The following FOXP1 variants were observed in gnomAD, a reference collection of about 807,000 sequenced individuals.
FOXP1 encodes the protein forkhead box P1.
A neutral mutation model predicts 98.2 loss-of-function variants in FOXP1; 15 were observed. The ratio of observed to expected loss-of-function variants is 0.15; its 90% CI spans 0.10 to 0.24. The LOEUF is 0.24. FOXP1 is among the 10% of genes least tolerant of loss of function. The probability of loss-of-function intolerance (pLI) is 1.00; values close to 1 mark genes in which losing one functional copy is unlikely to be tolerated. For synonymous variants in FOXP1, 371 were observed against 314.5 expected, an observed-to-expected ratio of 1.18 and a Z score of -1.90; for missense variants, 633 against 848.5, an observed-to-expected ratio of 0.75 and a Z score of 3.15.
chr3:71,368,279 C>T (rs562150827), intron 3 of FOXP1, among the ~76,000 whole-genome samples: 5 of 152,196 alleles, frequency 3.3e-5, no homozygotes, highest in East Asian at 1.9e-4. Flanking sequence ...GCGTGTGCCA[C>T]GACACCTGGC....
At chr3:71,376,917 T>C (rs1483220016) in intron 3 of FOXP1, among the ~76,000 whole-genome samples, 1 of 152,124 alleles carries the variant, frequency 6.6e-6, no homozygotes, top group Non-Finnish European at 1.5e-5. Flanking sequence ...ATTATACCTA[T>C]CATATGTATT....
intron 3 of FOXP1, among the ~76,000 whole-genome samples, chr3:71,370,100 C>T (rs947917195): frequency 2.6e-5 from 4 of 152,136 alleles, no homozygotes; most frequent in African/African-American, 4.8e-5. Context: ...TTTCTGACAG[C>T]GCTGTTGGAC....
At chr3:71,393,600 T>C (rs1382504830) in intron 3 of FOXP1, among the ~76,000 whole-genome samples, 2 of 152,224 alleles carry the variant, frequency 1.3e-5, no homozygotes, top group East Asian at 3.8e-4. Context: ...TCCAGGGTCA[T>C]ATTTAAAATA....
chr3:71,523,844 A>T (rs1183701735), intron 2 of FOXP1, among the ~76,000 whole-genome samples: 1 of 152,094 alleles, frequency 6.6e-6, no homozygotes, highest in Non-Finnish European at 1.5e-5. Context: ...TCTCACCCCC[A>T]TTTTATAATT....
intron 4 of FOXP1, among the ~76,000 whole-genome samples, chr3:71,330,652 T>C (rs182544456): frequency 2.0e-5 from 3 of 152,300 alleles, no homozygotes; most frequent in African/African-American, 7.2e-5. Flanking sequence ...TGCCCAATAA[T>C]AGTAGATTGC....
rs150653705 is a variant in FOXP1, at chr3:71,508,452, G to A, written c.-297-14897C>T. 2.3e-4 allele frequency among the ~76,000 whole-genome samples: 35 copies of A among 152,304 alleles called. No homozygotes were observed. The East Asian group carries it at 5.6e-3, about 24-fold the overall frequency. ...TGCCTACCCAGTGGTTAGAGGTCCAGGTGCTGGAGTCAGACGGCCTGGGTG... is the reference window on the plus strand; with the variant it reads ...TGCCTACCCAGTGGTTAGAGGTCCAAGTGCTGGAGTCAGACGGCCTGGGTG... On this transcript the variant is annotated intron_variant, in intron 2 of 20. Coordinates refer to ENST00000649528, the MANE Select transcript of FOXP1 (RefSeq NM_001349338.3).
At chr3:71,582,186 C>T in intron 1 of FOXP1, 1 of 984,840 alleles carries the variant, frequency 1.0e-6, no homozygotes, top group South Asian at 4.7e-5. Flanking sequence ...TGCCAGTCTC[C>T]CGGGACCAAG....
At chr3:71,230,427 A>G (rs574709087) in intron 5 of FOXP1, among the ~76,000 whole-genome samples, 2 of 152,350 alleles carry the variant, frequency 1.3e-5, no homozygotes, top group East Asian at 3.9e-4. Flanking sequence ...TTCAATGCCC[A>G]TGAATGATTA....
chr3:71,097,162 C>T (rs1320363610), intron 7 of FOXP1, among the ~76,000 whole-genome samples: 1 of 152,156 alleles, frequency 6.6e-6, no homozygotes, highest in Non-Finnish European at 1.5e-5. Flanking sequence ...CAGCCAACTA[C>T]AGCCCAAATC....
chr3:71,073,925 G>A (rs1209745823), intron 7 of FOXP1, among the ~76,000 whole-genome samples: 2 of 152,156 alleles, frequency 1.3e-5, no homozygotes, highest in Admixed American at 1.3e-4. Flanking sequence ...ACAATGCTAA[G>A]ATAACAAGGA....
intron 4 of FOXP1, chr3:71,334,850 G>A (rs1203715777): frequency 6.6e-6 from 1 of 152,196 alleles, no homozygotes; most frequent in African/African-American, 2.4e-5. Flanking sequence ...TGAAGAACTG[G>A]TACTGAGCAC....
chr3:71,361,577 G>A (rs1403999442), intron 3 of FOXP1, among the ~76,000 whole-genome samples: 2 of 152,180 alleles, frequency 1.3e-5, no homozygotes, highest in Non-Finnish European at 2.9e-5. Context: ...GATGTGGGAG[G>A]ATAATTTGTA....
intron 4 of FOXP1, among the ~76,000 whole-genome samples, chr3:71,308,500 T>C (rs1442331513): frequency 6.6e-6 from 1 of 152,146 alleles, no homozygotes; most frequent in Non-Finnish European, 1.5e-5. Context: ...GGCTTCATTA[T>C]TGGAAGGAGT....
intron 19 of FOXP1, chr3:70,969,398 A>C (rs1575729132): frequency 6.6e-6 from 1 of 152,324 alleles, no homozygotes; most frequent in East Asian, 1.9e-4. Flanking sequence ...AAATATAATT[A>C]CTGAAATGCT....
At chr3:71,388,162 T>G (rs1337583829) in intron 3 of FOXP1, among the ~76,000 whole-genome samples, 1 of 152,214 alleles carries the variant, frequency 6.6e-6, no homozygotes, top group African/African-American at 2.4e-5. Flanking sequence ...CTTCCCAATT[T>G]TAACTGTCGG....
At position 71,091,537 on chromosome 3, in the gene FOXP1, A is replaced by C. The variant is rs552177933; in HGVS notation, c.282+20999T>G. Among the ~76,000 whole-genome samples, 285 of 152,086 alleles carry C rather than the reference A, an allele frequency of 1.9e-3. 1 individual carries two copies. Among genetic ancestry groups the C allele is most frequent in the African/African-American group, 6.2e-3 (257 of 41,484 alleles). On this transcript the variant is annotated intron_variant, in intron 7 of 20. Coordinates refer to ENST00000649528, the MANE Select transcript of FOXP1 (RefSeq NM_001349338.3). ...AACAAAACAAACAAACAAAAAAAAA[A>C]CTGAGCTTTACTTGGACAAGGTCCC... is the stretch of plus-strand genomic sequence containing the variant.
chr3:71,247,557 C>A (rs965269085), intron 5 of FOXP1, among the ~76,000 whole-genome samples: 2 of 152,126 alleles, frequency 1.3e-5, no homozygotes, highest in Non-Finnish European at 2.9e-5. Context: ...GGCCTGCGAG[C>A]GACTTTGGTG....
chr3:71,483,082 C>T (rs548560360), intron 3 of FOXP1, among the ~76,000 whole-genome samples: 24 of 151,452 alleles, frequency 1.6e-4, no homozygotes, highest in Non-Finnish European at 3.1e-4. Flanking sequence ...TCAAGCAATC[C>T]ACCCATCTGG....
chr3:71,484,627 T>G (rs1299906843), intron 3 of FOXP1, among the ~76,000 whole-genome samples: 1 of 152,124 alleles, frequency 6.6e-6, no homozygotes, highest in Admixed American at 6.5e-5. Flanking sequence ...AAGAGAAAAC[T>G]GAGGCTTGGA....
Sources: gnomAD v4.1 joint callset for allele counts (sites outside exome capture counted in the v4.1 genomes callset) on GRCh38, gnomAD v4.1.1 for gene constraint, MANE v1.5 for transcripts, NCBI Gene and HGNC (gene_info 2026-07-23, HGNC 2026-07-21) for gene names.